The following TSPAN7 variants were observed in gnomAD, a reference collection of about 807,000 sequenced individuals.
TSPAN7 encodes the protein tetraspanin-7.
Under a neutral mutation model 17.6 loss-of-function variants are expected in TSPAN7, and 1 was observed. The observed-to-expected ratio is 0.06, with a 90% CI of 0.02 to 0.27. The LOEUF is 0.27. TSPAN7 is among the 10% of genes least tolerant of loss of function. The pLI is 1.00. For missense variants in TSPAN7, 112 were observed against 201.7 expected, an observed-to-expected ratio of 0.56 and a Z score of 2.69; for synonymous variants, 78 against 79.0, an observed-to-expected ratio of 0.99 and a Z score of 0.07.
intron 2 of TSPAN7, among the ~76,000 whole-genome samples, chrX:38,669,448 C>T (rs2069805992): frequency 9.0e-6 from 1 of 111,714 alleles, no homozygotes; most frequent in Non-Finnish European, 1.9e-5. Flanking sequence ...TGTATGTTTC[C>T]TTCCAAAGCT....
chrX:38,584,380 A>C (rs1384105408), intron 1 of TSPAN7, among the ~76,000 whole-genome samples: 1 of 111,768 alleles, frequency 8.9e-6, no homozygotes, highest in Non-Finnish European at 1.9e-5. Flanking sequence ...TGTTGATGCA[A>C]TTGTGATTGG....
At chrX:38,608,645 T>A (rs893684603) in intron 1 of TSPAN7, among the ~76,000 whole-genome samples, 19 of 111,632 alleles carry the variant, frequency 1.7e-4, no homozygotes, top group Non-Finnish European at 1.1e-4. Context: ...TTTAAAATTG[T>A]AGCTATTTTA....
At chrX:38,561,897 T>C (rs779026487) in intron 1 of TSPAN7, among the ~76,000 whole-genome samples, 3 of 111,524 alleles carry the variant, frequency 2.7e-5, no homozygotes, top group Admixed American at 1.9e-4. Flanking sequence ...AAAAAAAATG[T>C]TAATGCATTA....
intron 1 of TSPAN7, among the ~76,000 whole-genome samples, chrX:38,615,534 A>G (rs1341769504): frequency 1.9e-5 from 2 of 103,591 alleles, no homozygotes; most frequent in Non-Finnish European, 4.0e-5. Flanking sequence ...GGGGTCTTTT[A>G]ATGTCCTCTC....
chrX:38,673,321 G>A (rs2069833376), intron 3 of TSPAN7, among the ~76,000 whole-genome samples: 1 of 107,755 alleles, frequency 9.3e-6, no homozygotes, highest in Admixed American at 9.9e-5. Context: ...GAGCTTGAAA[G>A]TTACCCCAAA....
chrX:38,660,111 G>T (rs1205767538), intron 1 of TSPAN7, among the ~76,000 whole-genome samples: 3 of 110,747 alleles, frequency 2.7e-5, no homozygotes, highest in African/African-American at 9.9e-5. Context: ...AGGATTACAG[G>T]CATGAGTCAC....
intron 1 of TSPAN7, among the ~76,000 whole-genome samples, chrX:38,610,471 A>G (rs956050732): frequency 8.9e-6 from 1 of 112,015 alleles, no homozygotes; most frequent in Admixed American, 9.4e-5. Flanking sequence ...CTAATAGACC[A>G]TATTTCTTAC....
At chrX:38,668,721 G>A (rs765614468) in intron 2 of TSPAN7, among the ~76,000 whole-genome samples, 20 of 111,907 alleles carry the variant, frequency 1.8e-4, no homozygotes, top group South Asian at 1.5e-3. Context: ...TGTCAATAGT[G>A]CTGCAATATA....
In TSPAN7 at chrX:38,611,695, C is replaced by T. The variant is rs752791488; in HGVS notation, c.81+50068C>T. Reference sequence around the variant, plus strand: ...ACAACAGAGACAAATGGTATAGATTCTTGTACTCTTTGTAACATAATCTGT... The same window carrying T: ...ACAACAGAGACAAATGGTATAGATTTTTGTACTCTTTGTAACATAATCTGT... On this transcript the variant is annotated intron_variant, in intron 1 of 7. Transcript: ENST00000378482. Among the ~76,000 whole-genome samples the T allele has an allele frequency of 1.2e-3, 135 of 111,835 alleles. 1 individual carries two copies. The highest frequency in any genetic ancestry group is 1.9e-3 in the Non-Finnish European group (100 of 53,171).
At chrX:38,675,290 A>G (rs2069845572) in intron 4 of TSPAN7, among the ~76,000 whole-genome samples, 1 of 112,304 alleles carries the variant, frequency 8.9e-6, no homozygotes, top group Non-Finnish European at 1.9e-5. Context: ...CCCTTTCTGT[A>G]TGTGCATCTT....
chrX:38,646,454 T>A, intron 1 of TSPAN7: 1 of 535,949 alleles, frequency 1.9e-6, no homozygotes, highest in Non-Finnish European at 2.8e-6. Context: ...TGAATGCACG[T>A]AAAACAGGGG....
At chrX:38,590,349 A>G (rs2069284176) in intron 1 of TSPAN7, among the ~76,000 whole-genome samples, 1 of 112,230 alleles carries the variant, frequency 8.9e-6, no homozygotes, top group Non-Finnish European at 1.9e-5. Context: ...ATTAGAATTT[A>G]TGCATCAATT....
At chrX:38,644,498 G>A (rs1391260833) in intron 1 of TSPAN7, among the ~76,000 whole-genome samples, 1 of 111,877 alleles carries the variant, frequency 8.9e-6, no homozygotes, top group South Asian at 3.8e-4. Context: ...ATACAGTCCT[G>A]ATAAGGCTGA....
chrX:38,661,544 G>A (rs1388623486), intron 1 of TSPAN7, among the ~76,000 whole-genome samples: 1 of 112,085 alleles, frequency 8.9e-6, no homozygotes, highest in Non-Finnish European at 1.9e-5. Context: ...GGAAGGCTGG[G>A]CCTGCCATCC....
chrX:38,687,804 A>G, intron 7 of TSPAN7, 130 bp downstream of exon 7: 1 of 472,242 alleles, frequency 2.1e-6, no homozygotes. Context: ...ATGTTCAGAA[A>G]TCTCATTTCT....
intron 1 of TSPAN7, among the ~76,000 whole-genome samples, chrX:38,599,466 A>G (rs2069334327): frequency 8.9e-6 from 1 of 111,841 alleles, no homozygotes; most frequent in Non-Finnish European, 1.9e-5. Context: ...AGAATTGTAC[A>G]TATTTTGTAT....
intron 1 of TSPAN7, chrX:38,646,441 C>A: frequency 1.7e-6 from 1 of 577,361 alleles, no homozygotes; most frequent in Non-Finnish European, 2.5e-6. Context: ...ATATTAGGAG[C>A]AGTGAATGCA....
At chrX:38,601,972 T>G (rs2069349417) in intron 1 of TSPAN7, among the ~76,000 whole-genome samples, 1 of 111,724 alleles carries the variant, frequency 9.0e-6, no homozygotes, top group Admixed American at 9.5e-5. Context: ...TACATAACAT[T>G]GGCCCATGTC....
intron 3 of TSPAN7, 142 bp downstream of exon 3, chrX:38,671,592 G>C: frequency 1.7e-6 from 1 of 596,497 alleles, no homozygotes; most frequent in Non-Finnish European, 2.8e-6. Flanking sequence ...CATGTCATAT[G>C]ACCTGAAATT....
Sources: gnomAD v4.1 joint callset for allele counts (sites outside exome capture counted in the v4.1 genomes callset) on GRCh38, gnomAD v4.1.1 for gene constraint, MANE v1.5 for transcripts, NCBI Gene and HGNC (gene_info 2026-07-23, HGNC 2026-07-21) for gene names.